The following LRRC8D variants were observed in gnomAD, a reference collection of about 807,000 sequenced individuals.
LRRC8D encodes leucine rich repeat containing 8 VRAC subunit D.
Under a neutral mutation model 55.8 loss-of-function variants are expected in LRRC8D, and 20 were observed. That is an observed-to-expected ratio of 0.36 (90% CI 0.25 to 0.52). The LOEUF (loss-of-function observed/expected upper bound fraction) is 0.52, where lower values mean the gene tolerates loss of function less well. Among genes scored for constraint, LRRC8D ranks in the 20% least tolerant of loss-of-function variants. The pLI is 0.93. For missense variants in LRRC8D, 651 were observed against 1,030.8 expected, an observed-to-expected ratio of 0.63 and a Z score of 5.05; for synonymous variants, 352 against 377.0, an observed-to-expected ratio of 0.93 and a Z score of 0.77.
At chr1:89,849,123 T>C (rs529151021) in intron 2 of LRRC8D, among the ~76,000 whole-genome samples, 1 of 152,362 alleles carries the variant, frequency 6.6e-6, no homozygotes, top group South Asian at 2.1e-4. Flanking sequence ...CCTCACTGTA[T>C]ATCCTGCTTT....
intron 2 of LRRC8D, among the ~76,000 whole-genome samples, chr1:89,913,469 A>C (rs1462345139): frequency 6.6e-6 from 1 of 152,212 alleles, no homozygotes; most frequent in Non-Finnish European, 1.5e-5. Flanking sequence ...AGGACTCAAT[A>C]CTTCTTTCTT....
chr1:89,858,726 T>C (rs1184327492), intron 2 of LRRC8D, among the ~76,000 whole-genome samples: 1 of 152,058 alleles, frequency 6.6e-6, no homozygotes, highest in East Asian at 1.9e-4. Context: ...AAATGACAAG[T>C]GAAATTTTTT....
chr1:89,860,795 T>C, intron 2 of LRRC8D, among the ~76,000 whole-genome samples: 1 of 103,840 alleles, frequency 9.6e-6, no homozygotes, highest in South Asian at 3.3e-4. Flanking sequence ...AATATATATA[T>C]ATATATATAT....
chr1:89,838,093 C>T (rs1661041396), intron 1 of LRRC8D, among the ~76,000 whole-genome samples: 1 of 151,752 alleles, frequency 6.6e-6, no homozygotes, highest in East Asian at 1.9e-4. Context: ...GGCGTGGTGG[C>T]TCACGCCTGT....
At chr1:89,890,671 C>G (rs1662553258) in intron 2 of LRRC8D, among the ~76,000 whole-genome samples, 1 of 152,202 alleles carries the variant, frequency 6.6e-6, no homozygotes, top group East Asian at 1.9e-4. Context: ...CCTTCACTCA[C>G]CTTCCCTTAT....
chr1:89,893,252 A>G (rs187128874), intron 2 of LRRC8D, among the ~76,000 whole-genome samples: 2 of 152,366 alleles, frequency 1.3e-5, no homozygotes, highest in East Asian at 3.9e-4. Flanking sequence ...GGGAATGAAC[A>G]GTCCTGCAGA....
intron 1 of LRRC8D, among the ~76,000 whole-genome samples, chr1:89,829,748 G>A (rs1013961266): frequency 5.3e-5 from 8 of 152,324 alleles, no homozygotes; most frequent in South Asian, 2.1e-4. Flanking sequence ...GGTCTTAGAA[G>A]TATGAGCCTG....
In LRRC8D at chr1:89,934,849, A is replaced by G. The variant is rs769236754; in HGVS notation, c.1781A>G (p.His594Arg). The change falls in exon 3 of 3, where the codon CAC becomes CGC. Residue 594 changes from histidine to arginine, a missense_variant. Around this residue, in one of 5 missense-constraint regions of LRRC8D, gnomAD observed 338 missense variants for 479.4 expected, o/e 0.71. Coordinates refer to ENST00000337338, the MANE Select transcript of LRRC8D (RefSeq NM_001134479.2). This position sits in a 1 kb window ranked among gnomAD's most constrained non-coding sequence, Gnocchi z 5.9. ...GAGTTGCGGCACCTTAAGATTCTCC[A>G]CGTGAAGAGCAATTTGACCAAAGTT... is the stretch of plus-strand genomic sequence containing the variant. ...LRELRHLKILHVKSNLTKVPS... is the reference protein window; with the variant it reads ...LRELRHLKILRVKSNLTKVPS... The G allele has an allele frequency of 1.2e-6, 2 of 1,614,176 alleles. No homozygotes were observed. The highest frequency in any genetic ancestry group is 1.7e-5 in the Admixed American group (1 of 60,018).
At chr1:89,883,573 C>T (rs1399829700) in intron 2 of LRRC8D, among the ~76,000 whole-genome samples, 2 of 151,996 alleles carry the variant, frequency 1.3e-5, no homozygotes, top group African/African-American at 4.8e-5. Flanking sequence ...AGAGAGATGC[C>T]CTGGAGGAGC....
chr1:89,883,928 C>G (rs1266000567), intron 2 of LRRC8D, among the ~76,000 whole-genome samples: 1 of 152,166 alleles, frequency 6.6e-6, no homozygotes, highest in Non-Finnish European at 1.5e-5. Context: ...AAACAAACAC[C>G]CACTGCCAGC....
At chr1:89,919,545 C>A (rs986268381) in intron 2 of LRRC8D, among the ~76,000 whole-genome samples, 2 of 152,142 alleles carry the variant, frequency 1.3e-5, no homozygotes, top group African/African-American at 4.8e-5. Context: ...CTAAGATGTC[C>A]ATTTTGCAGA....
chr1:89,864,799 C>G (rs955585420), intron 2 of LRRC8D, among the ~76,000 whole-genome samples: 1 of 152,162 alleles, frequency 6.6e-6, no homozygotes, highest in Non-Finnish European at 1.5e-5. Context: ...TTACCTACCC[C>G]CGACCCCTCA....
intron 2 of LRRC8D, among the ~76,000 whole-genome samples, chr1:89,876,719 C>G (rs2100837093): frequency 6.6e-6 from 1 of 152,334 alleles, no homozygotes; most frequent in African/African-American, 2.4e-5. Context: ...TAGCCACATT[C>G]ATTGGTTTAT....
At chr1:89,845,876 G>A (rs1211974432) in intron 2 of LRRC8D, among the ~76,000 whole-genome samples, 1 of 151,960 alleles carries the variant, frequency 6.6e-6, no homozygotes, top group Non-Finnish European at 1.5e-5. Flanking sequence ...CCGTCTCCCG[G>A]GTTCAAGCGA....
intron 2 of LRRC8D, among the ~76,000 whole-genome samples, chr1:89,906,163 C>T (rs1431824037): frequency 6.6e-6 from 1 of 152,176 alleles, no homozygotes; most frequent in Non-Finnish European, 1.5e-5. Flanking sequence ...TTCTTTCAAG[C>T]ATCACTTTTA....
At chr1:89,922,110 C>A (rs971239936) in intron 2 of LRRC8D, among the ~76,000 whole-genome samples, 8 of 151,868 alleles carry the variant, frequency 5.3e-5, no homozygotes, top group Non-Finnish European at 1.0e-4. Context: ...GTTACCCAGG[C>A]CAGGGTGCAG....
At chr1:89,854,020 C>T (rs564630550) in intron 2 of LRRC8D, among the ~76,000 whole-genome samples, 63 of 152,144 alleles carry the variant, frequency 4.1e-4, no homozygotes, top group African/African-American at 1.5e-3. Flanking sequence ...GAGTAAAGTT[C>T]CAGAAAAGAT....
chr1:89,889,941 A>G (rs1662522243), intron 2 of LRRC8D, among the ~76,000 whole-genome samples: 1 of 152,048 alleles, frequency 6.6e-6, no homozygotes, highest in South Asian at 2.1e-4. Flanking sequence ...TAATCCCAGC[A>G]CTTTGGGAGG....
In LRRC8D at chr1:89,933,722, C is replaced by T. The variant is rs532560893; in HGVS notation, c.654C>T (p.Cys218=). Residue 218 remains cysteine, a synonymous_variant, in exon 3 of 3, where the codon TGC becomes TGT. Coordinates refer to ENST00000337338, the MANE Select transcript of LRRC8D (RefSeq NM_001134479.2). This position sits in a 1 kb window ranked among gnomAD's most constrained non-coding sequence, Gnocchi z 7.0. ...CAAAAGCGTTGTCTGAGACAGCATG[C>T]GAAGACTCAGAGGAAAACAAGCAGA... ...WTTKALSETA[C]EDSEENKQRI... 2.1e-5 allele frequency: 34 copies of T among 1,614,058 alleles called. No homozygotes were observed. The highest frequency in any genetic ancestry group is 4.0e-5 in the African/African-American group (3 of 75,010).
Sources: allele counts gnomAD v4.1 joint callset (sites outside exome capture counted in the v4.1 genomes callset), GRCh38; gene constraint gnomAD v4.1.1; regional missense constraint gnomAD v4.1.1; non-coding constraint Gnocchi (gnomAD v3.1); transcripts MANE v1.5; gene names NCBI Gene and HGNC (gene_info 2026-07-23, HGNC 2026-07-21).